COL25A1: variants seen among roughly 807,000 people sequenced by gnomAD.
COL25A1 encodes the protein collagen type XXV alpha 1 chain, also known as collagen alpha-1(XXV) chain.
A neutral mutation model predicts 128.4 loss-of-function variants in COL25A1; 103 were observed. The observed-to-expected ratio is 0.80, with a 90% CI of 0.68 to 0.94. The LOEUF is 0.94. Ranked by LOEUF, COL25A1 falls within the 40% of genes least tolerant of loss-of-function variation. The probability of loss-of-function intolerance (pLI) is 0.00; values close to 1 mark genes in which losing one functional copy is unlikely to be tolerated. For synonymous variants in COL25A1, 279 were observed against 277.2 expected (o/e 1.01, Z -0.06); for missense variants, 745 against 840.0 (o/e 0.89, Z 1.40).
intron 5 of COL25A1, among the ~76,000 whole-genome samples, chr4:109,029,359 A>G (rs1758618727): frequency 1.3e-5 from 2 of 152,168 alleles, no homozygotes; most frequent in African/African-American, 4.8e-5. Flanking sequence ...CAGAAGGTCA[A>G]TAGTAGCCTA....
intron 24 of COL25A1, among the ~76,000 whole-genome samples, chr4:108,857,967 C>T (rs1736715612): frequency 6.6e-6 from 1 of 152,002 alleles, no homozygotes; most frequent in Non-Finnish European, 1.5e-5. Flanking sequence ...AGAGGAAGAA[C>T]TCATCTGAGT....
chr4:109,292,623 T>C (rs562462907), intron 3 of COL25A1, among the ~76,000 whole-genome samples: 3 of 152,122 alleles, frequency 2.0e-5, no homozygotes, highest in South Asian at 4.1e-4. Flanking sequence ...GGGAAGAGAC[T>C]GTAAGTATAT....
At chr4:109,083,245 A>G (rs962664530) in intron 3 of COL25A1, among the ~76,000 whole-genome samples, 1 of 152,100 alleles carries the variant, frequency 6.6e-6, no homozygotes, top group Non-Finnish European at 1.5e-5. Context: ...GATGTAAATT[A>G]GTTTGTTTAG....
chr4:109,013,999 C>T lies in COL25A1; in HGVS notation c.421-3624G>A, dbSNP rs193114249. 3.8e-3 allele frequency among the ~76,000 whole-genome samples: 586 copies of T among 152,242 alleles called. 3 individuals are homozygous for T. Among genetic ancestry groups the T allele is most frequent in the Non-Finnish European group, 7.0e-3 (478 of 68,016 alleles). On this transcript the variant is annotated intron_variant, in intron 5 of 37. Coordinates refer to ENST00000399132, the MANE Select transcript of COL25A1 (RefSeq NM_198721.4). Reference sequence around the variant, plus strand: ...TTGGTCTTTCTGATGTTTTGAACTACTGCAAACTCAGAAATGTGAACATGT... The same window carrying T: ...TTGGTCTTTCTGATGTTTTGAACTATTGCAAACTCAGAAATGTGAACATGT...
intron 13 of COL25A1, among the ~76,000 whole-genome samples, chr4:108,912,000 T>G (rs1744286358): frequency 6.6e-6 from 1 of 152,186 alleles, no homozygotes; most frequent in Non-Finnish European, 1.5e-5. Flanking sequence ...AAAGAAAATC[T>G]TACTTATTTT....
At chr4:109,284,991 C>A (rs936819668) in intron 3 of COL25A1, among the ~76,000 whole-genome samples, 8 of 151,802 alleles carry the variant, frequency 5.3e-5, no homozygotes, top group African/African-American at 1.7e-4. Context: ...TAATTTTAGT[C>A]TGCTTAGTTA....
intron 6 of COL25A1, among the ~76,000 whole-genome samples, chr4:108,985,737 T>G (rs1372540629): frequency 6.6e-6 from 1 of 152,170 alleles, no homozygotes; most frequent in East Asian, 1.9e-4. Context: ...CAAGTTTGTG[T>G]CTAAACCTTT....
intron 3 of COL25A1, among the ~76,000 whole-genome samples, chr4:109,221,236 AT>A (rs140445424): frequency 0.086 from 13,140 of 152,120 alleles, 1,172 homozygotes; most frequent in African/African-American, 0.23. Flanking sequence ...AAAAAGCCCT[AT>A]ATTACTCTTT....
intron 8 of COL25A1, among the ~76,000 whole-genome samples, chr4:108,968,541 AC>A (rs1049871686): frequency 2.7e-5 from 4 of 150,320 alleles, no homozygotes; most frequent in African/African-American, 9.8e-5. Context: ...TCCTGCTTCT[AC>A]CTTCAAATGC....
chr4:109,077,110 C>T (rs895197429), intron 3 of COL25A1, among the ~76,000 whole-genome samples: 2 of 152,124 alleles, frequency 1.3e-5, no homozygotes, highest in Non-Finnish European at 2.9e-5. Flanking sequence ...ATCAGAAAAG[C>T]TAATTGGCAC....
At chr4:108,964,626 AC>A (rs1447637887) in intron 8 of COL25A1, among the ~76,000 whole-genome samples, 1 of 152,084 alleles carries the variant, frequency 6.6e-6, no homozygotes, top group Non-Finnish European at 1.5e-5. Context: ...AAAATTTACA[AC>A]ACTGAATTCC....
chr4:109,195,680 CTG>C (rs1236093324), intron 3 of COL25A1, among the ~76,000 whole-genome samples: 2 of 152,128 alleles, frequency 1.3e-5, no homozygotes, highest in Non-Finnish European at 2.9e-5. Context: ...CTTTCCCAGA[CTG>C]TCATATTGAA....
At chr4:109,142,868 C>T (rs1475982862) in intron 3 of COL25A1, among the ~76,000 whole-genome samples, 1 of 151,984 alleles carries the variant, frequency 6.6e-6, no homozygotes, top group Non-Finnish European at 1.5e-5. Context: ...ATCCAATTTG[C>T]CAGTCTGTGT....
rs1553961829 is a variant in COL25A1 at position 109,218,357 on chromosome 4, G to GTTTTTTTTTTGTTTGTTTTTTTT, written c.367+82225_367+82226insAAAAAAAACAAACAAAAAAAAAA. Reference sequence around the variant, plus strand: ...CAGAATCAATTGCTGGTTTTTTGGGGTTTTTTTTTTTTTTTTTTTTTTTTT... The same window carrying GTTTTTTTTTTGTTTGTTTTTTTT: ...CAGAATCAATTGCTGGTTTTTTGGGGTTTTTTTTTTGTTTGTTTTTTTTTTTTTTTTTTTTTTTTTTTTTTTTT... On this transcript the variant is annotated intron_variant, in intron 3 of 37. Coordinates refer to ENST00000399132, the MANE Select transcript of COL25A1 (RefSeq NM_198721.4). Among the ~76,000 whole-genome samples, 628 of 73,278 alleles carry GTTTTTTTTTTGTTTGTTTTTTTT rather than the reference G, an allele frequency of 8.6e-3. 5 individuals carry two copies. The highest frequency in any genetic ancestry group is 0.034 in the Middle Eastern group (2 of 58). The allele number at this position is 73,278 out of a possible 152,430, so 48.1% of individuals were successfully genotyped here. A position where few individuals can be genotyped will look rare whatever the true frequency, so the allele number is the denominator to read the frequency against.
intron 13 of COL25A1, among the ~76,000 whole-genome samples, chr4:108,905,850 C>G (rs1405146): frequency 0.55 from 68,570 of 124,070 alleles, 18,192 homozygotes; most frequent in East Asian, 0.93. Context: ...AGCAGTATGT[C>G]GGGGGGGGGT....
intron 3 of COL25A1, among the ~76,000 whole-genome samples, chr4:109,058,300 A>C (rs1761632105): frequency 6.6e-6 from 1 of 152,110 alleles, no homozygotes; most frequent in Admixed American, 6.6e-5. Context: ...CTTGTGGGGA[A>C]GGGGGCTGCA....
intron 3 of COL25A1, among the ~76,000 whole-genome samples, chr4:109,188,804 C>A (rs1352710614): frequency 6.6e-6 from 1 of 151,824 alleles, no homozygotes; most frequent in African/African-American, 2.4e-5. Context: ...CCATAGAATG[C>A]AAAACAGCAG....
chr4:108,944,481 CTA>C (rs1239138454), intron 8 of COL25A1, among the ~76,000 whole-genome samples: 2 of 152,064 alleles, frequency 1.3e-5, no homozygotes, highest in Non-Finnish European at 2.9e-5. Context: ...AACAAGAAGT[CTA>C]TGAGGGATCA....
intron 3 of COL25A1, among the ~76,000 whole-genome samples, chr4:109,059,798 G>T (rs765041351): frequency 8.5e-5 from 13 of 152,112 alleles, no homozygotes; most frequent in Admixed American, 1.3e-4. Flanking sequence ...AGAAAGGAGG[G>T]ATATTGCCTG....
Sources: gnomAD v4.1 joint callset for allele counts (sites outside exome capture counted in the v4.1 genomes callset) on GRCh38, gnomAD v4.1.1 for gene constraint, MANE v1.5 for transcripts, NCBI Gene and HGNC (gene_info 2026-07-23, HGNC 2026-07-21) for gene names.